The following PGBD1 variants were observed in gnomAD, a reference collection of about 807,000 sequenced individuals.
PGBD1 encodes the protein piggyBac transposable element derived 1, also known as piggyBac transposable element-derived protein 1.
Under a neutral mutation model 34.7 loss-of-function variants are expected in PGBD1, and 25 were observed. The ratio of observed to expected loss-of-function variants is 0.72; its 90% confidence interval spans 0.52 to 1.00. The LOEUF is 1.00. Ranked by LOEUF, PGBD1 falls within the 50% of genes least tolerant of loss-of-function variation. The pLI, the probability that PGBD1 is intolerant of heterozygous loss-of-function variation, is 0.00. For synonymous variants in PGBD1, 292 were observed against 335.7 expected, an observed-to-expected ratio of 0.87 and a Z score of 1.42; for missense variants, 830 against 959.4, an observed-to-expected ratio of 0.87 and a Z score of 1.78.
At position 28,301,894 on chromosome 6, in the gene PGBD1, A is replaced by AT; in HGVS notation, c.2040_2041insT (p.Asn681Ter). The AT allele has an allele frequency of 1.2e-6, 2 of 1,614,178 alleles. No individual in the cohort carries two copies. The highest frequency in any genetic ancestry group is 1.7e-6 in the Non-Finnish European group (2 of 1,180,036). The stretch of plus-strand genomic sequence containing the variant: ...GGTATTTTGATTTCCGAATAGAAGA[A>AT]AACAATGAGATAATTTTGTGTCGTT... On this transcript the variant is annotated frameshift_variant, in exon 7 of 7. Transcript: ENST00000682144. LOFTEE classifies it low-confidence loss of function (END_TRUNC).
Position 28,287,095 on chromosome 6 carries a change from G to A in PGBD1, c.569G>A (p.Gly190Glu), listed in dbSNP as rs776112656. ...PQEVSGPVPH[G>E]SAHLQEKNPR... is the part of the protein sequence containing the mutation. ...CTCTCTGCAGGGCCTGTTCCCCACGGATCAGCTCATCTCCAGGAAAAAAAC... is the reference window on the plus strand; with the variant it reads ...CTCTCTGCAGGGCCTGTTCCCCACGAATCAGCTCATCTCCAGGAAAAAAAC... Residue 190 changes from glycine to glutamate, a missense_variant, in exon 4 of 7, where the codon GGA becomes GAA. Physicochemically the swap from Gly to Glu is moderately conservative, Grantham distance 98. Transcript: ENST00000682144. 6.2e-7 allele frequency: 1 copy of A among 1,613,972 alleles called. No homozygotes were observed. The highest frequency in any genetic ancestry group is 1.1e-5 in the South Asian group (1 of 91,076).
intron 1 of PGBD1, among the ~76,000 whole-genome samples, chr6:28,282,281 G>T (rs537722600): frequency 2.6e-5 from 4 of 152,342 alleles, no homozygotes; most frequent in Admixed American, 2.6e-4. Flanking sequence ...TTTTATTCCA[G>T]AGTTAACTTT....
At position 28,300,172 on chromosome 6, in the gene PGBD1, G is replaced by A. The variant is rs764961802; in HGVS notation, c.870-552G>A. Among the ~76,000 whole-genome samples the A allele has an allele frequency of 6.6e-6, 1 of 152,160 alleles. No individual in the cohort carries two copies. Among genetic ancestry groups the A allele is most frequent in the Non-Finnish European group, 1.5e-5 (1 of 68,040 alleles). ...ACTAGCAGGGGCTAAGTCCTTCCAT[G>A]TTCAGAAATTCTGTGAGAGATGTCA... On this transcript the variant is annotated intron_variant, in intron 6 of 6. Coordinates refer to ENST00000682144, the MANE Select transcript of PGBD1 (RefSeq NM_032507.4). This position sits in a 1 kb window ranked among gnomAD's most constrained non-coding sequence, Gnocchi z 4.0.
intron 2 of PGBD1, among the ~76,000 whole-genome samples, chr6:28,285,312 T>C (rs1000819624): frequency 3.9e-5 from 6 of 152,220 alleles, no homozygotes; most frequent in Non-Finnish European, 8.8e-5. Context: ...CCCTTTGTAA[T>C]TACTAAGTAA....
chr6:28,284,045 C>T lies in PGBD1; in HGVS notation c.232C>T (p.His78Tyr), dbSNP rs776422065. Reference sequence around the variant, plus strand: ...TCATCAATGGCTGAGACCGGAGATGCACACCAAGGAACAGATAATGGAACT... The same window carrying T: ...TCATCAATGGCTGAGACCGGAGATGTACACCAAGGAACAGATAATGGAACT... ...LCHQWLRPEM[H>Y]TKEQIMELLV... The change falls in exon 2 of 7, where the codon CAC (histidine) becomes TAC (tyrosine). Residue 78 changes from histidine to tyrosine, a missense_variant. By Grantham distance (83) the His-to-Tyr change is moderately conservative. Around this residue, in one of 3 missense-constraint regions of PGBD1, gnomAD observed 457 missense variants for 515.4 expected, o/e 0.89. Coordinates refer to ENST00000682144, the MANE Select transcript of PGBD1 (RefSeq NM_032507.4). 6.2e-7 allele frequency: 1 copy of T among 1,614,156 alleles called. No homozygotes were observed. The highest frequency in any genetic ancestry group is 2.2e-5 in the East Asian group (1 of 44,884).
At chr6:28,288,722 G>A (rs1358015085) in intron 4 of PGBD1, among the ~76,000 whole-genome samples, 1 of 152,114 alleles carries the variant, frequency 6.6e-6, no homozygotes, top group Non-Finnish European at 1.5e-5. Context: ...CAGGCGTGGT[G>A]GCTCATGCCT....
chr6:28,285,548 C>T lies in PGBD1; in HGVS notation c.397-3C>T, dbSNP rs761386769. On this transcript the variant is annotated splice_region_variant and splice_polypyrimidine_tract_variant and intron_variant, in intron 2 of 6. Coordinates refer to ENST00000682144, the MANE Select transcript of PGBD1 (RefSeq NM_032507.4). ...CCTTTCAAAATAAATCTTTTGTTTC[C>T]AGGCCTCTGTCTATATTCAGGGACA... 1.9e-6 allele frequency: 3 copies of T among 1,613,056 alleles called. No homozygotes were observed. The highest frequency in any genetic ancestry group is 1.7e-4 in the Middle Eastern group (1 of 6,048).
At chr6:28,298,287 G>A (rs915456069) in intron 6 of PGBD1, among the ~76,000 whole-genome samples, 2 of 152,098 alleles carry the variant, frequency 1.3e-5, no homozygotes, top group African/African-American at 4.8e-5. Flanking sequence ...TTATGGAGCT[G>A]TGGAGAAGCT....
chr6:28,299,202 G>T (rs539332962), intron 6 of PGBD1, among the ~76,000 whole-genome samples: 99 of 152,198 alleles, frequency 6.5e-4, no homozygotes, highest in African/African-American at 2.3e-3. Flanking sequence ...GCAACTAACA[G>T]GTAATTCATA....
Position 28,301,264 on chromosome 6 carries a change from G to C in PGBD1, c.1410G>C (p.Met470Ile), listed in dbSNP as rs1234523779. 6.2e-7 allele frequency: 1 copy of C among 1,614,038 alleles called. No individual in the cohort carries two copies. Among genetic ancestry groups the C allele is most frequent in the South Asian group, 1.1e-5 (1 of 91,074 alleles). Reference sequence around the variant, plus strand: ...GTGTCTTACTTTTGAGTGGATTTATGAGGCATCCTAGAAGGGAAATGTATT... The same window carrying C: ...GTGTCTTACTTTTGAGTGGATTTATCAGGCATCCTAGAAGGGAAATGTATT... ...VFGVLLLSGFMRHPRREMYWE... is the reference protein window; with the variant it reads ...VFGVLLLSGFIRHPRREMYWE... Residue 470 changes from methionine (M) to isoleucine (I), a missense_variant, in exon 7 of 7, where the codon ATG becomes ATC. Met to Ile is a conservative substitution (Grantham distance 10, BLOSUM62 1). Coordinates refer to ENST00000682144, the MANE Select transcript of PGBD1 (RefSeq NM_032507.4).
chr6:28,291,847 A>G (rs1188990750), intron 4 of PGBD1, among the ~76,000 whole-genome samples: 1 of 152,228 alleles, frequency 6.6e-6, no homozygotes, highest in East Asian at 1.9e-4. Flanking sequence ...ATCAAGAACA[A>G]ACACCATATG....
At chr6:28,290,182 G>A (rs966260084) in intron 4 of PGBD1, among the ~76,000 whole-genome samples, 1 of 152,242 alleles carries the variant, frequency 6.6e-6, no homozygotes, top group Admixed American at 6.5e-5. Flanking sequence ...TGCAACCTCT[G>A]CCTCCCGAGT....
intron 5 of PGBD1, 29 bp downstream of exon 5, chr6:28,296,974 G>C: frequency 6.2e-7 from 1 of 1,612,424 alleles, no homozygotes; most frequent in Non-Finnish European, 8.5e-7. Flanking sequence ...CTGGACCCCT[G>C]TCTGGACTCT....
intron 4 of PGBD1, 76 bp from the exon 5 acceptor site, chr6:28,296,740 G>T: frequency 5.2e-6 from 8 of 1,538,784 alleles, no homozygotes; most frequent in South Asian, 1.2e-5. Flanking sequence ...CTACAGCGTG[G>T]TATTCAACAC....
Position 28,284,409 on chromosome 6 carries a change from C to T in PGBD1, c.396+200C>T, listed in dbSNP as rs948932384. Among the ~76,000 whole-genome samples, 6 of 121,900 alleles carry T rather than the reference C, an allele frequency of 4.9e-5. 1 individual carries two copies. The highest frequency in any genetic ancestry group is 2.8e-4 in the African/African-American group (6 of 21,366). 80.0% of individuals were successfully genotyped at this position (121,900 alleles called of 152,430 possible). On this transcript the variant is annotated intron_variant, in intron 2 of 6. Transcript: ENST00000682144. ...TCCCATTGTTGTGTACACACTCGTA[C>T]AAGGAAGTGCATTCCCCCCCCCCAA...
In PGBD1 at chr6:28,300,826, C is replaced by A; in HGVS notation, c.972C>A (p.Ala324=). The part of the protein sequence containing the change: ...LKDRHPGDLW[A]RMHISSLEYA... Reference sequence around the variant, plus strand: ...ACCGTCACCCAGGTGATTTGTGGGCCCGCATGCACATCTCATCCCTGGAAT... The same window carrying A: ...ACCGTCACCCAGGTGATTTGTGGGCACGCATGCACATCTCATCCCTGGAAT... The change falls in exon 7 of 7, where the codon GCC becomes GCA. Residue 324 remains alanine (A), a synonymous_variant. Coordinates refer to ENST00000682144, the MANE Select transcript of PGBD1 (RefSeq NM_032507.4). The surrounding 1 kb of genome is among the most constrained non-coding windows in gnomAD (Gnocchi z 4.0). 6.2e-7 allele frequency: 1 copy of A among 1,614,054 alleles called. No individual in the cohort carries two copies. The highest frequency in any genetic ancestry group is 8.5e-7 in the Non-Finnish European group (1 of 1,180,024).
At position 28,284,120 on chromosome 6, in the gene PGBD1, T is replaced by A. The variant is rs1479960271; in HGVS notation, c.307T>A (p.Cys103Ser). The A allele has an allele frequency of 3.7e-6, 6 of 1,613,778 alleles. No homozygotes were observed. The highest frequency in any genetic ancestry group is 5.1e-6 in the Non-Finnish European group (6 of 1,179,818). ...LTILPKELQP[C>S]VKTYPLESGE... Reference sequence around the variant, plus strand: ...CATCCTGCCCAAGGAGCTCCAGCCCTGTGTGAAGACATATCCTCTGGAGAG... The same window carrying A: ...CATCCTGCCCAAGGAGCTCCAGCCCAGTGTGAAGACATATCCTCTGGAGAG... The change falls in exon 2 of 7, where the codon TGT becomes AGT. Residue 103 changes from cysteine to serine, a missense_variant. Physicochemically the swap from Cys to Ser is moderately radical, Grantham distance 112 (BLOSUM62 -1). This residue lies in a region of PGBD1 where 457 missense variants were observed against 515.4 expected (regional missense o/e 0.89). Coordinates refer to ENST00000682144, the MANE Select transcript of PGBD1 (RefSeq NM_032507.4).
Position 28,281,621 on chromosome 6 carries a change from G to C in PGBD1, c.-336G>C, listed in dbSNP as rs1054341192. 2.6e-6 allele frequency: 1 copy of C among 379,906 alleles called. No homozygotes were observed. Among genetic ancestry groups the C allele is most frequent in the African/African-American group, 2.1e-5 (1 of 48,096 alleles). The allele number at this position is 379,906 out of a possible 1,614,324, so 23.5% of individuals were successfully genotyped here. ...CCGGCAGCGCCCGCCAGACCCGCCA[G>C]CCCAGCGGCCCGGGCTCTGGGGAAA... is the stretch of plus-strand genomic sequence containing the variant. On this transcript the variant is annotated 5_prime_UTR_variant, in exon 1 of 7. Transcript: ENST00000682144.
In PGBD1 at chr6:28,300,130, C is replaced by T. The variant is rs1410855150; in HGVS notation, c.870-594C>T. ...TTGTTTTTCCCCAGAGTAGTATGTC[C>T]ATCAGATGAATGTAGAACTAGCAGG... On this transcript the variant is annotated intron_variant, in intron 6 of 6. Coordinates refer to ENST00000682144, the MANE Select transcript of PGBD1 (RefSeq NM_032507.4). This position sits in a 1 kb window ranked among gnomAD's most constrained non-coding sequence, Gnocchi z 4.0. 6.6e-6 allele frequency among the ~76,000 whole-genome samples: 1 copy of T among 152,120 alleles called. No individual in the cohort carries two copies. The highest frequency in any genetic ancestry group is 2.4e-5 in the African/African-American group (1 of 41,418).
Sources: gnomAD v4.1 joint callset for allele counts (sites outside exome capture counted in the v4.1 genomes callset) on GRCh38, gnomAD v4.1.1 for gene constraint, gnomAD v4.1.1 regional missense constraint, Gnocchi (gnomAD v3.1) non-coding constraint, MANE v1.5 for transcripts, NCBI Gene and HGNC (gene_info 2026-07-23, HGNC 2026-07-21) for gene names.